HMGA2: variants seen among roughly 807,000 people sequenced by gnomAD.
HMGA2 encodes the protein high mobility group AT-hook 2.
Under a neutral mutation model 19.1 loss-of-function variants are expected in HMGA2, and 8 were observed. The ratio of observed to expected loss-of-function variants is 0.42; its 90% CI spans 0.25 to 0.76. The LOEUF is 0.76. Among genes scored for constraint, HMGA2 ranks in the 30% least tolerant of loss-of-function variants. The pLI is 0.28. For synonymous variants in HMGA2, 60 were observed against 48.8 expected (o/e 1.23, Z -0.96); for missense variants, 109 against 136.3 (o/e 0.80, Z 1.00).
chr12:65,875,162 C>G (rs1445227318), intron 3 of HMGA2, among the ~76,000 whole-genome samples: 1 of 152,160 alleles, frequency 6.6e-6, no homozygotes, highest in Non-Finnish European at 1.5e-5. Flanking sequence ...TTAATTTTTA[C>G]TCCCCTATTC....
chr12:65,894,011 C>T (rs1474229656), intron 3 of HMGA2, among the ~76,000 whole-genome samples: 1 of 152,140 alleles, frequency 6.6e-6, no homozygotes, highest in Non-Finnish European at 1.5e-5. Flanking sequence ...GGAGTAAAAA[C>T]TTGTCTAGCT....
At chr12:65,936,041 T>G (rs1405588482) in intron 3 of HMGA2, among the ~76,000 whole-genome samples, 4 of 152,182 alleles carry the variant, frequency 2.6e-5, no homozygotes, top group Admixed American at 2.6e-4. Flanking sequence ...TACATATAGC[T>G]TTAATGTTCA....
At chr12:65,933,684 A>G (rs1325936327) in intron 3 of HMGA2, among the ~76,000 whole-genome samples, 1 of 152,232 alleles carries the variant, frequency 6.6e-6, no homozygotes, top group East Asian at 1.9e-4. Context: ...CTGAAAGAAT[A>G]AATATAAAAG....
Position 65,908,241 on chromosome 12 carries a change from C to G in HMGA2, c.250-43142C>G, listed in dbSNP as rs1874689119. Reference sequence around the variant, plus strand: ...ACAGCCATTACATGCGAAGGGCAGCCTGTATACAGGCTGGGTTTCCCCTTC... The same window carrying G: ...ACAGCCATTACATGCGAAGGGCAGCGTGTATACAGGCTGGGTTTCCCCTTC... On this transcript the variant is annotated intron_variant, in intron 3 of 4. Transcript: ENST00000403681. 3.9e-5 allele frequency among the ~76,000 whole-genome samples: 6 copies of G among 152,148 alleles called. No homozygotes were observed. In the South Asian group the frequency reaches 8.3e-4, roughly 21 times the overall value.
chr12:65,928,684 T>A (rs1201586943), intron 3 of HMGA2, among the ~76,000 whole-genome samples: 1 of 152,224 alleles, frequency 6.6e-6, no homozygotes, highest in Non-Finnish European at 1.5e-5. Flanking sequence ...TTTTTTAATT[T>A]TCAAACTTTT....
intron 3 of HMGA2, among the ~76,000 whole-genome samples, chr12:65,902,306 T>C (rs191981502): frequency 6.6e-6 from 1 of 152,308 alleles, no homozygotes; most frequent in East Asian, 1.9e-4. Context: ...GAACACCTGT[T>C]ATGTGCTACA....
intron 3 of HMGA2, chr12:65,881,488 T>G (rs969318372): frequency 1.3e-5 from 7 of 548,800 alleles, no homozygotes; most frequent in South Asian, 2.6e-5. Flanking sequence ...TGAAGCAATC[T>G]TGCTTAATAG....
At chr12:65,884,798 A>G (rs1592420191) in intron 3 of HMGA2, among the ~76,000 whole-genome samples, 1 of 152,202 alleles carries the variant, frequency 6.6e-6, no homozygotes, top group South Asian at 2.1e-4. Context: ...TTCTTAATCT[A>G]TCTGGGCCTT....
intron 3 of HMGA2, among the ~76,000 whole-genome samples, chr12:65,873,593 T>C (rs1232282620): frequency 6.6e-6 from 1 of 152,126 alleles, no homozygotes; most frequent in East Asian, 1.9e-4. Flanking sequence ...TGAAAAGAGC[T>C]TGGTAGAAAG....
At chr12:65,915,604 T>A in intron 3 of HMGA2, 1 of 991,810 alleles carries the variant, frequency 1.0e-6, no homozygotes, top group Non-Finnish European at 1.2e-6. Context: ...TTTTCCTGTG[T>A]CTTTTATCCT....
At chr12:65,934,595 T>C (rs1387362559) in intron 3 of HMGA2, among the ~76,000 whole-genome samples, 2 of 152,306 alleles carry the variant, frequency 1.3e-5, no homozygotes, top group East Asian at 1.9e-4. Context: ...ATAAAGGCTG[T>C]TGGTACACCC....
intron 3 of HMGA2, among the ~76,000 whole-genome samples, chr12:65,934,202 T>C (rs758920501): frequency 9.9e-5 from 15 of 152,204 alleles, no homozygotes; most frequent in Non-Finnish European, 1.8e-4. Flanking sequence ...TCCATATAAT[T>C]GGAGTAATTG....
intron 3 of HMGA2, among the ~76,000 whole-genome samples, chr12:65,868,551 G>A (rs1312225219): frequency 1.3e-5 from 2 of 152,090 alleles, no homozygotes; most frequent in Non-Finnish European, 2.9e-5. Flanking sequence ...TGGGCCCAAA[G>A]CACCACCTAC....
intron 3 of HMGA2, among the ~76,000 whole-genome samples, chr12:65,910,866 C>T (rs889474162): frequency 4.6e-5 from 7 of 152,084 alleles, no homozygotes; most frequent in Admixed American, 2.6e-4. Context: ...AATTCAAAGG[C>T]GCAAATTCAA....
intron 3 of HMGA2, among the ~76,000 whole-genome samples, chr12:65,943,222 G>A (rs983210213): frequency 1.4e-4 from 22 of 151,944 alleles, no homozygotes; most frequent in African/African-American, 3.6e-4. Flanking sequence ...ATTAGTATTC[G>A]ATGAGCCAAT....
intron 3 of HMGA2, among the ~76,000 whole-genome samples, chr12:65,940,943 G>A (rs113063381): frequency 3.9e-5 from 6 of 152,212 alleles, no homozygotes; most frequent in African/African-American, 1.4e-4. Context: ...TCATATGATC[G>A]ATATCAACAA....
intron 3 of HMGA2, among the ~76,000 whole-genome samples, chr12:65,843,846 C>T (rs930533610): frequency 1.4e-4 from 21 of 152,110 alleles, no homozygotes; most frequent in East Asian, 1.4e-3. Context: ...GCCAGGAGTT[C>T]GAGACCAGCC....
chr12:65,838,982 C>CTTTTTTTTTTTTTTT, intron 3 of HMGA2, among the ~76,000 whole-genome samples: 1 of 103,142 alleles, frequency 9.7e-6, no homozygotes, highest in South Asian at 3.7e-4. Context: ...TTTTCTTTTT[C>CTTTTTTTTTTTTTTT]TTTCTTTTTC....
At chr12:65,866,598 A>G (rs1333675605) in intron 3 of HMGA2, among the ~76,000 whole-genome samples, 1 of 152,236 alleles carries the variant, frequency 6.6e-6, no homozygotes, top group East Asian at 1.9e-4. Context: ...AGAGTCAGGT[A>G]AAAGGCAAGA....
Sources: gnomAD v4.1 joint callset for allele counts (sites outside exome capture counted in the v4.1 genomes callset) on GRCh38, gnomAD v4.1.1 for gene constraint, MANE v1.5 for transcripts, NCBI Gene and HGNC (gene_info 2026-07-23, HGNC 2026-07-21) for gene names.